Variants in NHS observed in about 807,000 individuals in gnomAD.
The protein encoded by NHS is NHS actin remodeling regulator, also known as actin remodeling regulator NHS.
Under a neutral mutation model 72.5 loss-of-function variants are expected in NHS, and 5 were observed. The ratio of observed to expected loss-of-function variants is 0.07; its 90% CI spans 0.04 to 0.14. The LOEUF is 0.14. NHS is among the 10% of genes least tolerant of loss of function. The pLI is 1.00. For synonymous variants in NHS, 464 were observed against 547.7 expected (o/e 0.85, Z 2.13); for missense variants, 1,072 against 1,355.7 (o/e 0.79, Z 3.29).
At chrX:17,579,763 C>T (rs922530294) in intron 1 of NHS, among the ~76,000 whole-genome samples, 2 of 111,392 alleles carry the variant, frequency 1.8e-5, no homozygotes. Context: ...TTTCTCACCT[C>T]AAGAATTGCA....
At chrX:17,535,064 C>T (rs760328704) in intron 1 of NHS, among the ~76,000 whole-genome samples, 37 of 112,343 alleles carry the variant, frequency 3.3e-4, no homozygotes, top group Non-Finnish European at 6.2e-4. Context: ...CAAGATTGAA[C>T]CTCAGTTGCC....
In NHS at chrX:17,725,939, C is replaced by T; in HGVS notation, c.1833C>T (p.Ser611=). ...TTGGGAGCCCCATCCACTGCATCTCCACGGCTGGCGTCCTCCTTAGCAGCC... is the reference window on the plus strand; with the variant it reads ...TTGGGAGCCCCATCCACTGCATCTCTACGGCTGGCGTCCTCCTTAGCAGCC... ...DTFGSPIHCI[S]TAGVLLSSHM... Residue 611 remains serine, a synonymous_variant, in exon 7 of 9, where the codon TCC becomes TCT. Transcript: ENST00000676302. 8.3e-7 allele frequency: 1 copy of T among 1,211,715 alleles called. No homozygotes were observed. The highest frequency in any genetic ancestry group is 1.1e-6 in the Non-Finnish European group (1 of 895,455).
chrX:17,612,749 G>C (rs2065717300), intron 1 of NHS, among the ~76,000 whole-genome samples: 1 of 110,846 alleles, frequency 9.0e-6, no homozygotes, highest in Non-Finnish European at 1.9e-5. Context: ...TGCCTTCCTC[G>C]TCTCTCTATC....
intron 1 of NHS, among the ~76,000 whole-genome samples, chrX:17,531,962 G>A (rs1022856660): frequency 1.8e-5 from 2 of 111,300 alleles, no homozygotes; most frequent in South Asian, 3.8e-4. Flanking sequence ...GGATTAATGC[G>A]TGTCTCTCCT....
chrX:17,571,051 G>A (rs777198151), intron 1 of NHS, among the ~76,000 whole-genome samples: 1 of 111,985 alleles, frequency 8.9e-6, no homozygotes, highest in South Asian at 3.7e-4. Context: ...GCTTTTTGAT[G>A]CGCTGCTGGA....
intron 1 of NHS, among the ~76,000 whole-genome samples, chrX:17,422,021 A>G (rs2146866928): frequency 8.9e-6 from 1 of 112,459 alleles, no homozygotes; most frequent in African/African-American, 3.2e-5. Flanking sequence ...AGATACAGAT[A>G]TAGAACATTT....
intron 1 of NHS, among the ~76,000 whole-genome samples, chrX:17,420,141 C>T (rs1173876689): frequency 2.7e-5 from 3 of 111,430 alleles, no homozygotes; most frequent in East Asian, 2.8e-4. Context: ...AACTGAGTAC[C>T]GACTATGAAC....
chrX:17,555,679 T>G (rs1250848616), intron 1 of NHS, among the ~76,000 whole-genome samples: 4 of 112,017 alleles, frequency 3.6e-5, no homozygotes, highest in African/African-American at 1.3e-4. Flanking sequence ...ATTTCCACTC[T>G]TCCAATCCTC....
chrX:17,493,025 T>G (rs749016153), intron 1 of NHS, among the ~76,000 whole-genome samples: 3 of 112,233 alleles, frequency 2.7e-5, no homozygotes, highest in Non-Finnish European at 3.8e-5. Context: ...CTTACATAGT[T>G]GAATTCTGTT....
At chrX:17,607,848 C>T (rs1287508941) in intron 1 of NHS, among the ~76,000 whole-genome samples, 1 of 109,773 alleles carries the variant, frequency 9.1e-6, no homozygotes, top group East Asian at 2.8e-4. Flanking sequence ...CTTTCCCATC[C>T]TGAATATGGC....
At chrX:17,408,822 G>T (rs1303119425) in intron 1 of NHS, among the ~76,000 whole-genome samples, 1 of 111,984 alleles carries the variant, frequency 8.9e-6, no homozygotes, top group East Asian at 2.8e-4. Flanking sequence ...GGTTCTGGAG[G>T]CTGAGAAGTC....
chrX:17,564,719 C>T (rs920064010), intron 1 of NHS, among the ~76,000 whole-genome samples: 1 of 112,031 alleles, frequency 8.9e-6, no homozygotes, highest in African/African-American at 3.3e-5. Context: ...ATGGCCCTAA[C>T]GGTCAAATAC....
rs1468620388 is a variant in NHS at position 17,735,614 on chromosome X, T to C, written c.*3150T>C. The C allele has an allele frequency of 8.9e-6, 1 of 112,547 alleles. No individual in the cohort carries two copies. The highest frequency in any genetic ancestry group is 3.2e-5 in the African/African-American group (1 of 30,793). 9.3% of individuals were successfully genotyped at this position (112,547 alleles called of 1,213,427 possible). On this transcript the variant is annotated 3_prime_UTR_variant, in exon 9 of 9. Coordinates refer to ENST00000676302, the MANE Select transcript of NHS (RefSeq NM_001291867.2). ...GTGCATTTGCTGCAGTGGTGGCACG[T>C]AGAGAACTAGATGGTAATAAAGATT...
chrX:17,725,274 A>G, intron 6 of NHS, 73 bp from the exon 7 acceptor site: 1 of 1,041,186 alleles, frequency 9.6e-7, no homozygotes, highest in South Asian at 2.0e-5. Flanking sequence ...CCACAGATCT[A>G]CAGACATAGC....
chrX:17,558,460 A>G (rs2146965166), intron 1 of NHS, among the ~76,000 whole-genome samples: 1 of 112,538 alleles, frequency 8.9e-6, no homozygotes, highest in Non-Finnish European at 1.9e-5. Context: ...TCTGTTTTCC[A>G]AGAGTGCCCG....
chrX:17,712,389 C>CAT (rs1340183864), intron 3 of NHS, among the ~76,000 whole-genome samples: 22 of 90,707 alleles, frequency 2.4e-4, no homozygotes, highest in African/African-American at 8.5e-4. Context: ...CACACACACA[C>CAT]ACACATATAT....
intron 1 of NHS, among the ~76,000 whole-genome samples, chrX:17,538,041 G>T (rs751270333): frequency 8.9e-6 from 1 of 111,951 alleles, no homozygotes; most frequent in East Asian, 2.8e-4. Context: ...CCCATCTTGC[G>T]GAAGGCCAAG....
rs189281793 is a variant in NHS at position 17,727,363 on chromosome X, C to T, written c.3257C>T (p.Pro1086Leu). ...SKDLELPIIP[P>L]THLDLSALHN... is the part of the protein sequence containing the mutation. ...GACCTTGAACTTCCAATTATACCTC[C>T]TACCCATCTTGATCTAAGTGCTCTT... Residue 1086 changes from proline to leucine, a missense_variant, in exon 7 of 9, where the codon CCT becomes CTT. Pro to Leu is a moderately conservative substitution (Grantham distance 98). Transcript: ENST00000676302. The T allele has an allele frequency of 7.4e-6, 9 of 1,208,109 alleles. No individual in the cohort carries two copies. The African/African-American group carries it at 1.4e-4, about 19-fold the overall frequency.
intron 1 of NHS, among the ~76,000 whole-genome samples, chrX:17,491,755 T>A (rs2064992476): frequency 1.1e-5 from 1 of 87,623 alleles, no homozygotes; most frequent in Non-Finnish European, 2.2e-5. Flanking sequence ...GGTCCTGGGC[T>A]TTTTTTTTTT....
Sources: allele counts gnomAD v4.1 joint callset (sites outside exome capture counted in the v4.1 genomes callset), GRCh38; gene constraint gnomAD v4.1.1; transcripts MANE v1.5; gene names NCBI Gene and HGNC (gene_info 2026-07-23, HGNC 2026-07-21).